The following GSE1 variants were observed in gnomAD, a reference collection of about 807,000 sequenced individuals.
The protein encoded by GSE1 is genetic suppressor element 1.
Under a neutral mutation model 112.6 loss-of-function variants are expected in GSE1, and 32 were observed. The observed-to-expected ratio is 0.28, with a 90% CI of 0.21 to 0.38. GSE1 has a LOEUF of 0.38. Ranked by LOEUF, GSE1 falls within the 10% of genes least tolerant of loss-of-function variation. The pLI, the probability that GSE1 is intolerant of heterozygous loss-of-function variation, is 1.00. For synonymous variants in GSE1, 1,115 were observed against 735.6 expected, an observed-to-expected ratio of 1.52 and a Z score of -8.35; for missense variants, 2,348 against 1,699.2, an observed-to-expected ratio of 1.38 and a Z score of -6.71.
At chr16:85,180,026 G>T (rs2074549564) in intron 1 of GSE1, among the ~76,000 whole-genome samples, 1 of 152,244 alleles carries the variant, frequency 6.6e-6, no homozygotes, top group Admixed American at 6.5e-5. Flanking sequence ...GCGGGGGGCT[G>T]TGGGGCAGGG....
chr16:85,494,583 T>C (rs1256201279), intron 2 of GSE1, among the ~76,000 whole-genome samples: 2 of 152,084 alleles, frequency 1.3e-5, no homozygotes, highest in Admixed American at 1.3e-4. Context: ...TTTTGTATTT[T>C]TGTAGAGAGA....
chr16:85,378,340 G>A (rs1196582559), intron 2 of GSE1, among the ~76,000 whole-genome samples: 1 of 152,192 alleles, frequency 6.6e-6, no homozygotes, highest in African/African-American at 2.4e-5. Flanking sequence ...GCTTGGGGCA[G>A]CCTCCTGGGG....
chr16:85,604,770 A>T (rs1285006284), intron 1 of GSE1, among the ~76,000 whole-genome samples: 4 of 2,082 alleles, frequency 1.9e-3, no homozygotes, highest in East Asian at 0.011. Context: ...AAAAAAAAAA[A>T]AAAAATATAT....
chr16:85,641,161 C>T (rs568643252), intron 2 of GSE1, among the ~76,000 whole-genome samples: 6 of 152,244 alleles, frequency 3.9e-5, no homozygotes, highest in Admixed American at 1.3e-4. Context: ...CTCCCTGCAG[C>T]CCCTGTGCCC....
At chr16:85,298,868 AGCAT>A (rs1330378895) in intron 1 of GSE1, among the ~76,000 whole-genome samples, 1 of 152,028 alleles carries the variant, frequency 6.6e-6, no homozygotes, top group Non-Finnish European at 1.5e-5. Flanking sequence ...GGTGTGGGGG[AGCAT>A]AGGCGTTTAT....
At chr16:85,394,405 G>A (rs531837496) in intron 2 of GSE1, among the ~76,000 whole-genome samples, 3 of 152,150 alleles carry the variant, frequency 2.0e-5, no homozygotes, top group Admixed American at 1.3e-4. Flanking sequence ...CGGGGAGGTC[G>A]GGGGCTTGCT....
intron 1 of GSE1, among the ~76,000 whole-genome samples, chr16:85,567,278 G>T (rs2045798137): frequency 6.6e-6 from 1 of 152,178 alleles, no homozygotes; most frequent in Admixed American, 6.5e-5. Context: ...GAGCAAGTGT[G>T]TGGTCATAAA....
chr16:85,670,380 A>ATTT lies in GSE1; in HGVS notation c.3416-607_3416-605dup, dbSNP rs375789127. ...CATTTCCGGAGTTTTTCATCCTTTG[A>ATTT]TTTTTTTTTTCTTGATGTTGCTCCA... On this transcript the variant is annotated intron_variant, in intron 14 of 15. Transcript: ENST00000253458. 1.4e-3 allele frequency among the ~76,000 whole-genome samples: 204 copies of ATTT among 149,562 alleles called. 2 individuals carry two copies. Among genetic ancestry groups the ATTT allele is most frequent in the African/African-American group, 4.8e-3 (194 of 40,760 alleles).
At chr16:85,348,883 C>T (rs1307552073) in intron 1 of GSE1, among the ~76,000 whole-genome samples, 1 of 152,034 alleles carries the variant, frequency 6.6e-6, no homozygotes, top group South Asian at 2.1e-4. Flanking sequence ...CCCTCCAGCC[C>T]CCGAGAGATG....
intron 1 of GSE1, among the ~76,000 whole-genome samples, chr16:85,181,633 A>G (rs908255882): frequency 6.6e-6 from 1 of 152,194 alleles, no homozygotes; most frequent in African/African-American, 2.4e-5. Flanking sequence ...CCATCAACCT[A>G]GTCTCCCGCT....
At chr16:85,523,135 G>A (rs2052245395) in intron 2 of GSE1, among the ~76,000 whole-genome samples, 1 of 151,644 alleles carries the variant, frequency 6.6e-6, no homozygotes, top group African/African-American at 2.4e-5. Context: ...GCCTGTGTGT[G>A]TGTGGCTGTG....
At chr16:85,506,163 C>T (rs939519208) in intron 2 of GSE1, among the ~76,000 whole-genome samples, 3 of 152,146 alleles carry the variant, frequency 2.0e-5, no homozygotes, top group Non-Finnish European at 2.9e-5. Context: ...CTCTGGCCAG[C>T]GGAACTTCCT....
chr16:85,501,699 T>C (rs1005112456), intron 2 of GSE1, among the ~76,000 whole-genome samples: 5 of 152,204 alleles, frequency 3.3e-5, no homozygotes, highest in African/African-American at 1.2e-4. Flanking sequence ...TTGCCAAAAC[T>C]TCAGCATATC....
chr16:85,498,173 T>C (rs1411280564), intron 2 of GSE1, among the ~76,000 whole-genome samples: 1 of 152,152 alleles, frequency 6.6e-6, no homozygotes, highest in Non-Finnish European at 1.5e-5. Context: ...CCGTTTGTTC[T>C]GCAGGCTGCG....
intron 1 of GSE1, among the ~76,000 whole-genome samples, chr16:85,356,453 G>C (rs7193954): frequency 0.98 from 149,501 of 152,328 alleles, 73,433 homozygotes; most frequent in Middle Eastern, 1. Flanking sequence ...GGTCCCACCA[G>C]TTCTGTGCTC....
At chr16:85,272,666 GC>G (rs1283022152) in intron 1 of GSE1, among the ~76,000 whole-genome samples, 1 of 135,982 alleles carries the variant, frequency 7.4e-6, no homozygotes, top group Non-Finnish European at 1.7e-5. Flanking sequence ...AGTGCTGGGG[GC>G]TTGGTGAGGG....
At chr16:85,606,241 G>A (rs2047698322) in intron 1 of GSE1, among the ~76,000 whole-genome samples, 1 of 152,250 alleles carries the variant, frequency 6.6e-6, no homozygotes, top group African/African-American at 2.4e-5. Flanking sequence ...CATGTTGACA[G>A]TAGGAAAATT....
chr16:85,495,613 C>T (rs76113042), intron 2 of GSE1, among the ~76,000 whole-genome samples: 1 of 152,076 alleles, frequency 6.6e-6, no homozygotes, highest in South Asian at 2.1e-4. Flanking sequence ...TCTTACGCCT[C>T]TCAATAAGCT....
At chr16:85,525,542 A>C (rs2052339231) in intron 2 of GSE1, among the ~76,000 whole-genome samples, 1 of 152,108 alleles carries the variant, frequency 6.6e-6, no homozygotes, top group Non-Finnish European at 1.5e-5. Flanking sequence ...GGGGGTGAAT[A>C]CCTCATGGTG....
Sources: allele counts gnomAD v4.1 joint callset (sites outside exome capture counted in the v4.1 genomes callset), GRCh38; gene constraint gnomAD v4.1.1; transcripts MANE v1.5; gene names NCBI Gene and HGNC (gene_info 2026-07-23, HGNC 2026-07-21).